The following ARHGAP32 variants were observed in gnomAD, a reference collection of about 807,000 sequenced individuals.
The protein encoded by ARHGAP32 is Rho GTPase activating protein 32, also known as rho GTPase-activating protein 32.
ARHGAP32 carries 51 observed loss-of-function variants against 186.5 expected under a neutral mutation model. That is an observed-to-expected ratio of 0.27 (90% CI 0.22 to 0.35). The LOEUF (loss-of-function observed/expected upper bound fraction) is 0.35. Ranked by LOEUF, ARHGAP32 falls within the 10% of genes least tolerant of loss-of-function variation. The pLI, the probability that ARHGAP32 is intolerant of heterozygous loss-of-function variation, is 1.00. For synonymous variants in ARHGAP32, 950 were observed against 964.3 expected (o/e 0.99, Z 0.27); for missense variants, 2,186 against 2,623.5 (o/e 0.83, Z 3.64).
rs1382225305 is a variant in ARHGAP32, at chr11:129,064,883, A to G, written c.720T>C (p.Ala240=). Residue 240 remains alanine, a synonymous_variant, in exon 8 of 23, where the codon GCT becomes GCC. Coordinates refer to ENST00000682385, the MANE Select transcript of ARHGAP32 (RefSeq NM_001378024.1). ...CGGGCCCACAGTTGATCTTGTTGCC[A>G]GCGATAGCTGAAAGGCGTGACAGGT... The part of the protein sequence containing the change: ...MAYLSRLSAI[A]GNKINCGPAL... 6 of 1,599,844 alleles carry G rather than the reference A, an allele frequency of 3.8e-6. No homozygotes were observed. The South Asian group carries it at 6.8e-5, about 18-fold the overall frequency.
At chr11:129,187,936 T>C (rs1389268652) in intron 1 of ARHGAP32, among the ~76,000 whole-genome samples, 3 of 152,014 alleles carry the variant, frequency 2.0e-5, no homozygotes, top group Non-Finnish European at 4.4e-5. Flanking sequence ...TTGGTTTTTT[T>C]GTGTGGTTTT....
intron 1 of ARHGAP32, 134 bp from the exon 2 acceptor site, chr11:129,164,561 A>G (rs925310093): frequency 1.0e-5 from 6 of 583,172 alleles, no homozygotes; most frequent in Non-Finnish European, 1.8e-5. Context: ...ACTGAATAGC[A>G]GTGATCCTTT....
intron 6 of ARHGAP32, among the ~76,000 whole-genome samples, chr11:129,071,888 G>T (rs1940880901): frequency 6.6e-6 from 1 of 152,112 alleles, no homozygotes; most frequent in African/African-American, 2.4e-5. Flanking sequence ...CAGCCTTAAA[G>T]GAAATCCTGT....
chr11:129,221,017 C>A (rs1421492483), intron 1 of ARHGAP32, among the ~76,000 whole-genome samples: 1 of 151,700 alleles, frequency 6.6e-6, no homozygotes, highest in African/African-American at 2.4e-5. Flanking sequence ...CTTGGTGATT[C>A]TAATGTGAAG....
chr11:129,203,273 T>C (rs1463704760), intron 1 of ARHGAP32, among the ~76,000 whole-genome samples: 1 of 152,174 alleles, frequency 6.6e-6, no homozygotes, highest in Non-Finnish European at 1.5e-5. Flanking sequence ...AATCTACAGA[T>C]AAAGTAAATC....
intron 12 of ARHGAP32, among the ~76,000 whole-genome samples, chr11:128,989,700 T>A (rs1437451416): frequency 1.3e-5 from 2 of 152,094 alleles, no homozygotes; most frequent in Non-Finnish European, 2.9e-5. Flanking sequence ...CCTAATGTTA[T>A]CCCTCCCCTA....
At chr11:129,269,728 A>T (rs1286706654) in intron 1 of ARHGAP32, among the ~76,000 whole-genome samples, 1 of 152,210 alleles carries the variant, frequency 6.6e-6, no homozygotes, top group Non-Finnish European at 1.5e-5. Flanking sequence ...AAAAAAAATT[A>T]AAAATAAGTC....
intron 1 of ARHGAP32, among the ~76,000 whole-genome samples, chr11:129,170,665 G>C (rs1303908278): frequency 6.6e-6 from 1 of 152,170 alleles, no homozygotes; most frequent in Non-Finnish European, 1.5e-5. Flanking sequence ...CTTTATAGTA[G>C]AATGATTTAT....
At chr11:129,231,496 G>GT (rs2135637202) in intron 1 of ARHGAP32, among the ~76,000 whole-genome samples, 1 of 152,286 alleles carries the variant, frequency 6.6e-6, no homozygotes, top group Non-Finnish European at 1.5e-5. Flanking sequence ...CCTGGTTCCA[G>GT]TAACAGTGGA....
intron 5 of ARHGAP32, among the ~76,000 whole-genome samples, chr11:129,122,362 G>A (rs1942552871): frequency 6.6e-6 from 1 of 151,216 alleles, no homozygotes; most frequent in African/African-American, 2.4e-5. Context: ...AAATTAAGTA[G>A]AAAATAATTT....
At chr11:129,215,793 C>T (rs1269648463) in intron 1 of ARHGAP32, among the ~76,000 whole-genome samples, 1 of 152,098 alleles carries the variant, frequency 6.6e-6, no homozygotes, top group Non-Finnish European at 1.5e-5. Context: ...TGTGGCAAAC[C>T]GATATGGCTC....
intron 1 of ARHGAP32, among the ~76,000 whole-genome samples, chr11:129,232,195 G>A (rs985123577): frequency 1.3e-5 from 2 of 151,984 alleles, no homozygotes; most frequent in Admixed American, 6.6e-5. Context: ...CACACTCACG[G>A]GTGACATTAG....
chr11:129,150,362 C>T (rs1467161049), intron 2 of ARHGAP32, among the ~76,000 whole-genome samples: 1 of 152,154 alleles, frequency 6.6e-6, no homozygotes, highest in Non-Finnish European at 1.5e-5. Flanking sequence ...CACACACAGT[C>T]ATCAGGTTAT....
chr11:129,227,201 ATAAAT>A (rs963633537), intron 1 of ARHGAP32, among the ~76,000 whole-genome samples: 4 of 152,072 alleles, frequency 2.6e-5, no homozygotes, highest in African/African-American at 9.7e-5. Flanking sequence ...CTAGAGTGTT[ATAAAT>A]TAAATTTTCA....
At chr11:129,191,313 C>CAAAA (rs377065048) in intron 1 of ARHGAP32, among the ~76,000 whole-genome samples, 34,505 of 151,894 alleles carry the variant, frequency 0.23, 4,741 homozygotes, top group Middle Eastern at 0.35. Flanking sequence ...GGTATTACAT[C>CAAAA]GCTAACTCTG....
At chr11:129,194,948 T>TGGG (rs60585805), upstream of ARHGAP32, among the ~76,000 whole-genome samples, 21 of 118,782 alleles carry the variant, frequency 1.8e-4, no homozygotes, top group Middle Eastern at 4.0e-3. Context: ...TGTTTTTTTG[T>TGGG]GGGGGGGGGG....
rs766012657 is a variant in ARHGAP32, at chr11:128,991,472, ATC to A, written c.1196-3349_1196-3348del. On this transcript the variant is annotated intron_variant, in intron 12 of 22. Transcript: ENST00000682385. ...ATGTCAGAAGAAAAAAGAAGAAAAG[ATC>A]TGTTTTATTTTTTCACGAAAGAGTA... Among the ~76,000 whole-genome samples the A allele has an allele frequency of 9.4e-4, 143 of 152,270 alleles. 1 individual carries two copies. The highest frequency in any genetic ancestry group is 1.7e-3 in the Non-Finnish European group (115 of 68,006).
intron 1 of ARHGAP32, among the ~76,000 whole-genome samples, chr11:129,276,459 C>G (rs1945532825): frequency 6.6e-6 from 1 of 152,106 alleles, no homozygotes; most frequent in Non-Finnish European, 1.5e-5. Context: ...TGCCACTACA[C>G]TCAGCTAATG....
chr11:128,971,602 C>T (rs1046108410), intron 22 of ARHGAP32: 14 of 158,032 alleles, frequency 8.9e-5, no homozygotes, highest in African/African-American at 3.4e-4. Context: ...ACACAGTTAG[C>T]AGTTTTAGGG....
Sources: allele counts gnomAD v4.1 joint callset (sites outside exome capture counted in the v4.1 genomes callset), GRCh38; gene constraint gnomAD v4.1.1; transcripts MANE v1.5; gene names NCBI Gene and HGNC (gene_info 2026-07-23, HGNC 2026-07-21).